Variants in NCAM2 observed in about 807,000 individuals in gnomAD.
The protein encoded by NCAM2 is N-CAM-2.
Under a neutral mutation model 98.1 loss-of-function variants are expected in NCAM2, and 30 were observed. The ratio of observed to expected loss-of-function variants is 0.31; its 90% CI spans 0.23 to 0.41. NCAM2 has a LOEUF of 0.41. NCAM2 is among the 10% of genes least tolerant of loss of function. The pLI is 1.00. For synonymous variants in NCAM2, 368 were observed against 342.4 expected, an observed-to-expected ratio of 1.07 and a Z score of -0.83; for missense variants, 867 against 1,005.8, an observed-to-expected ratio of 0.86 and a Z score of 1.87.
intron 14 of NCAM2, among the ~76,000 whole-genome samples, chr21:21,477,086 TA>T (rs1260896300): frequency 6.6e-6 from 1 of 152,082 alleles, no homozygotes; most frequent in Non-Finnish European, 1.5e-5. Context: ...TTTTGGCTAA[TA>T]TAAACAACAT....
chr21:21,385,301 C>T (rs1394020084), intron 9 of NCAM2, among the ~76,000 whole-genome samples: 1 of 151,500 alleles, frequency 6.6e-6, no homozygotes, highest in African/African-American at 2.4e-5. Context: ...GCTCAGAATA[C>T]TTTTGTTATG....
At chr21:21,095,784 T>C (rs1315501578) in intron 1 of NCAM2, among the ~76,000 whole-genome samples, 1 of 151,652 alleles carries the variant, frequency 6.6e-6, no homozygotes, top group East Asian at 1.9e-4. Context: ...TTTACTTTCA[T>C]ATTTCTCAGA....
chr21:21,391,758 T>C (rs1044215956), intron 9 of NCAM2, among the ~76,000 whole-genome samples: 1 of 152,170 alleles, frequency 6.6e-6, no homozygotes, highest in Admixed American at 6.5e-5. Flanking sequence ...TTAGTACTCT[T>C]GGTATCTCAG....
At chr21:21,340,528 A>G (rs1215457045) in intron 8 of NCAM2, among the ~76,000 whole-genome samples, 1 of 152,004 alleles carries the variant, frequency 6.6e-6, no homozygotes, top group Non-Finnish European at 1.5e-5. Context: ...TTGTTTTAAG[A>G]AAATCTGACT....
intron 9 of NCAM2, among the ~76,000 whole-genome samples, chr21:21,390,399 T>A (rs532688861): frequency 6.6e-6 from 1 of 152,114 alleles, no homozygotes; most frequent in South Asian, 2.1e-4. Flanking sequence ...TGATCGGAGG[T>A]ACAAGCAGTC....
intron 1 of NCAM2, among the ~76,000 whole-genome samples, chr21:21,052,356 G>C (rs1344088813): frequency 6.6e-6 from 1 of 151,698 alleles, no homozygotes; most frequent in South Asian, 2.1e-4. Flanking sequence ...ATAGAGATGG[G>C]GTTTCACCAT....
chr21:21,460,361 C>A (rs1982788865), intron 12 of NCAM2, among the ~76,000 whole-genome samples: 1 of 151,894 alleles, frequency 6.6e-6, no homozygotes, highest in Non-Finnish European at 1.5e-5. Context: ...GTTCATCTTT[C>A]TGAGCCTCCC....
intron 4 of NCAM2, among the ~76,000 whole-genome samples, chr21:21,286,992 T>C (rs563811403): frequency 6.6e-6 from 1 of 152,068 alleles, no homozygotes; most frequent in East Asian, 1.9e-4. Flanking sequence ...TTCTAAATAT[T>C]ATGGAAAGAT....
At chr21:21,473,614 G>A (rs1984765709) in intron 14 of NCAM2, among the ~76,000 whole-genome samples, 1 of 151,430 alleles carries the variant, frequency 6.6e-6, no homozygotes, top group African/African-American at 2.4e-5. Context: ...GCTTATATGA[G>A]CTCACCTTCT....
In NCAM2 at chr21:21,049,105, G is replaced by A. The variant is rs536414727; in HGVS notation, c.55+50487G>A. Reference sequence around the variant, plus strand: ...GCAATCTCGGCTCACTGCAAGCTCCGCTTCCCGGGTTCACGCCATTCTCCT... The same window carrying A: ...GCAATCTCGGCTCACTGCAAGCTCCACTTCCCGGGTTCACGCCATTCTCCT... On this transcript the variant is annotated intron_variant, in intron 1 of 17. Transcript: ENST00000400546. 8.8e-5 allele frequency among the ~76,000 whole-genome samples: 12 copies of A among 135,780 alleles called. No homozygotes were observed. The East Asian group carries it at 1.1e-3, about 12-fold the overall frequency. The allele number at this position is 135,780 out of a possible 152,430, so 89.1% of individuals were successfully genotyped here. A position where few individuals can be genotyped will look rare whatever the true frequency, so the allele number is the denominator to read the frequency against.
rs751728867 is a variant in NCAM2 at position 21,410,365 on chromosome 21, A to C, written c.1287A>C (p.Pro429=). 2 of 1,602,512 alleles carry C rather than the reference A, an allele frequency of 1.2e-6. No homozygotes were observed. The highest frequency in any genetic ancestry group is 2.2e-5 in the South Asian group (2 of 89,558). The part of the protein sequence containing the change: ...NISCDVKSNP[P]ASIHWRRDKL... ...GTTGTGATGTGAAATCGAATCCACC[A>C]GCATCAATTCACTGGAGAAGAGATA... The change falls in exon 10 of 18, where the codon CCA becomes CCC. Residue 429 remains proline, a synonymous_variant. Transcript: ENST00000400546.
intron 6 of NCAM2, among the ~76,000 whole-genome samples, chr21:21,327,660 C>A (rs2043616878): frequency 6.6e-6 from 1 of 152,066 alleles, no homozygotes; most frequent in African/African-American, 2.4e-5. Flanking sequence ...CTTCAGCCAA[C>A]CAAACAAAAA....
At chr21:21,042,728 G>T (rs1044902181) in intron 1 of NCAM2, among the ~76,000 whole-genome samples, 2 of 152,078 alleles carry the variant, frequency 1.3e-5, no homozygotes, top group Admixed American at 6.5e-5. Flanking sequence ...CACCTGAAAT[G>T]GGCTAGAGGT....
chr21:21,237,177 T>A (rs2070865895), intron 1 of NCAM2, among the ~76,000 whole-genome samples: 1 of 152,160 alleles, frequency 6.6e-6, no homozygotes, highest in South Asian at 2.1e-4. Context: ...CATGACTACC[T>A]AATTCCATAA....
chr21:21,436,950 T>C (rs182928805), intron 12 of NCAM2, among the ~76,000 whole-genome samples: 348 of 151,824 alleles, frequency 2.3e-3, no homozygotes, highest in African/African-American at 8.1e-3. Flanking sequence ...ATTTTTGTAT[T>C]TTTTAGTAAA....
At chr21:21,246,034 C>G (rs1437270120) in intron 1 of NCAM2, among the ~76,000 whole-genome samples, 2 of 152,170 alleles carry the variant, frequency 1.3e-5, no homozygotes, top group Non-Finnish European at 2.9e-5. Context: ...TTACTTCTGA[C>G]AAATAAATTA....
chr21:21,016,690 A>T (rs2064316579), intron 1 of NCAM2, among the ~76,000 whole-genome samples: 1 of 152,200 alleles, frequency 6.6e-6, no homozygotes, highest in South Asian at 2.1e-4. Flanking sequence ...CCAAAAAAAA[A>T]GCTGTTATGC....
At chr21:21,345,482 C>T (rs1331637991) in intron 8 of NCAM2, among the ~76,000 whole-genome samples, 3 of 151,680 alleles carry the variant, frequency 2.0e-5, no homozygotes, top group Admixed American at 6.6e-5. Context: ...ATGCAGCAGG[C>T]ATATTGAAGA....
chr21:21,487,811 T>C (rs1003536636), intron 15 of NCAM2, among the ~76,000 whole-genome samples: 3 of 152,142 alleles, frequency 2.0e-5, no homozygotes, highest in African/African-American at 7.2e-5. Flanking sequence ...TCAGATATGC[T>C]AACAGAGTAG....
Sources: allele counts gnomAD v4.1 joint callset (sites outside exome capture counted in the v4.1 genomes callset), GRCh38; gene constraint gnomAD v4.1.1; transcripts MANE v1.5; gene names NCBI Gene and HGNC (gene_info 2026-07-23, HGNC 2026-07-21).